LRRC20: variants seen among roughly 807,000 people sequenced by gnomAD.
LRRC20 encodes leucine rich repeat containing 20, also known as leucine-rich repeat-containing protein 20.
A neutral mutation model predicts 14.4 loss-of-function variants in LRRC20; 11 were observed. The observed-to-expected ratio is 0.77, with a 90% CI of 0.48 to 1.27. LRRC20 has a LOEUF of 1.27. Among genes scored for constraint, LRRC20 ranks in the 50% most tolerant of loss-of-function variants. The pLI, the probability that LRRC20 is intolerant of heterozygous loss-of-function variation, is 0.00. For synonymous variants in LRRC20, 121 were observed against 107.3 expected (o/e 1.13, Z -0.79); for missense variants, 219 against 251.2 (o/e 0.87, Z 0.87).
chr10:70,301,635 G>A lies in LRRC20; in HGVS notation c.401-127C>T, dbSNP rs973963571. 12 of 1,162,804 alleles carry A rather than the reference G, an allele frequency of 1.0e-5. No homozygotes were observed. The African/African-American group carries it at 1.2e-4, about 12-fold the overall frequency. 72.0% of individuals were successfully genotyped at this position (1,162,804 alleles called of 1,614,324 possible). On this transcript the variant is annotated intron_variant, in intron 4 of 4. Transcript: ENST00000446961. ...AGCTCTCCATTGCCCACTGCACGTGGGCTCAGCTCCTGGTGCCCAGCCCTG... is the reference window on the plus strand; with the variant it reads ...AGCTCTCCATTGCCCACTGCACGTGAGCTCAGCTCCTGGTGCCCAGCCCTG...
chr10:70,343,008 T>C (rs1031904745), intron 2 of LRRC20, among the ~76,000 whole-genome samples: 2 of 152,186 alleles, frequency 1.3e-5, no homozygotes, highest in Admixed American at 1.3e-4. Context: ...AAAATATGGT[T>C]TTAAAAGATT....
Position 70,337,216 on chromosome 10 carries a change from G to C in LRRC20, c.232+3337C>G, listed in dbSNP as rs193042451. Reference sequence around the variant, plus strand: ...CAGAGGAGGACAGAGCAGGCCTGCTGAGCTCAGCCAGGCCTATTTAAGCCT... The same window carrying C: ...CAGAGGAGGACAGAGCAGGCCTGCTCAGCTCAGCCAGGCCTATTTAAGCCT... On this transcript the variant is annotated intron_variant, in intron 3 of 4. Coordinates refer to ENST00000446961, the MANE Select transcript of LRRC20 (RefSeq NM_001278212.2). 1.4e-4 allele frequency among the ~76,000 whole-genome samples: 22 copies of C among 152,282 alleles called. 1 individual carries two copies. The highest frequency in any genetic ancestry group is 5.2e-4 in the Admixed American group (8 of 15,302).
intron 4 of LRRC20, among the ~76,000 whole-genome samples, chr10:70,313,431 C>T (rs1052077559): frequency 6.6e-6 from 1 of 152,098 alleles, no homozygotes; most frequent in Non-Finnish European, 1.5e-5. Flanking sequence ...CTCAGAAGTT[C>T]TGGCCTAGCT....
At chr10:70,320,174 C>A (rs963993107) in intron 4 of LRRC20, among the ~76,000 whole-genome samples, 1 of 152,070 alleles carries the variant, frequency 6.6e-6, no homozygotes. Context: ...CTAGGGAGGA[C>A]GGGTGACTGA....
chr10:70,374,322 A>AGCT (rs1241143530), intron 2 of LRRC20, among the ~76,000 whole-genome samples: 1 of 148,434 alleles, frequency 6.7e-6, no homozygotes, highest in African/African-American at 2.5e-5. Context: ...AATGAAGTGG[A>AGCT]GCTGCTGTGT....
At chr10:70,347,931 C>T (rs148240102) in intron 2 of LRRC20, among the ~76,000 whole-genome samples, 168 of 152,190 alleles carry the variant, frequency 1.1e-3, no homozygotes, top group African/African-American at 3.6e-3. Context: ...TAGAGGATGC[C>T]GAGGGCCTGG....
chr10:70,353,906 T>C (rs1335218165), intron 2 of LRRC20, among the ~76,000 whole-genome samples: 4 of 152,162 alleles, frequency 2.6e-5, no homozygotes, highest in African/African-American at 9.7e-5. Flanking sequence ...CTGGGAACAC[T>C]AGTATATTGC....
intron 4 of LRRC20, among the ~76,000 whole-genome samples, chr10:70,311,927 G>A (rs1841682459): frequency 6.6e-6 from 1 of 152,170 alleles, no homozygotes; most frequent in Non-Finnish European, 1.5e-5. Context: ...AGGTCAGCTT[G>A]CCCCCGTCTC....
intron 4 of LRRC20, among the ~76,000 whole-genome samples, chr10:70,313,807 C>T (rs942552158): frequency 3.9e-5 from 6 of 152,126 alleles, no homozygotes; most frequent in Non-Finnish European, 5.9e-5. Context: ...AACTGTAAAA[C>T]GTATGATTGG....
Position 70,301,367 on chromosome 10 carries a change from G to C in LRRC20, c.542C>G (p.Ala181Gly). The C allele has an allele frequency of 1.2e-6, 2 of 1,612,892 alleles. No homozygotes were observed. The highest frequency in any genetic ancestry group is 1.7e-6 in the Non-Finnish European group (2 of 1,179,820). The change falls in exon 5 of 5, where the codon GCC becomes GGC. Residue 181 changes from alanine (A) to glycine (G), a missense_variant. Coordinates refer to ENST00000446961, the MANE Select transcript of LRRC20 (RefSeq NM_001278212.2). ...GAGGAGGGTGGCCTAAGGTAGGGGGGCTCTTGCGCCTTCCGGAGACATGAG... is the reference window on the plus strand; with the variant it reads ...GAGGAGGGTGGCCTAAGGTAGGGGGCCTCTTGCGCCTTCCGGAGACATGAG... ...DMLMSPEGAR[A>G]PLP
At chr10:70,374,656 T>G (rs978725104) in intron 2 of LRRC20, among the ~76,000 whole-genome samples, 1 of 152,086 alleles carries the variant, frequency 6.6e-6, no homozygotes, top group African/African-American at 2.4e-5. Flanking sequence ...CTGTGACATT[T>G]TGAAGCAGGG....
At chr10:70,354,757 A>T (rs962232068) in intron 2 of LRRC20, among the ~76,000 whole-genome samples, 8 of 152,158 alleles carry the variant, frequency 5.3e-5, no homozygotes, top group African/African-American at 1.7e-4. Flanking sequence ...CTCTGAGCAG[A>T]CTATTTCAGG....
intron 4 of LRRC20, among the ~76,000 whole-genome samples, chr10:70,308,065 C>G (rs1455120738): frequency 6.6e-6 from 1 of 152,202 alleles, no homozygotes; most frequent in Admixed American, 6.5e-5. Context: ...TAGAAAGGAA[C>G]AAGGGTTGAG....
At chr10:70,308,375 A>G (rs1296578865) in intron 4 of LRRC20, among the ~76,000 whole-genome samples, 1 of 151,928 alleles carries the variant, frequency 6.6e-6, no homozygotes, top group African/African-American at 2.4e-5. Flanking sequence ...TTGACCACAG[A>G]GAAGCGCTAT....
intron 4 of LRRC20, among the ~76,000 whole-genome samples, chr10:70,320,600 C>T (rs1423552213): frequency 6.6e-6 from 1 of 152,122 alleles, no homozygotes; most frequent in African/African-American, 2.4e-5. Flanking sequence ...ATGCTCCCAC[C>T]CAGCTGAGTA....
intron 1 of LRRC20, among the ~76,000 whole-genome samples, chr10:70,377,372 AC>A (rs1844547900): frequency 6.6e-6 from 1 of 152,182 alleles, no homozygotes; most frequent in African/African-American, 2.4e-5. Context: ...AGGTGTTAAG[AC>A]ATAAGGACTT....
intron 2 of LRRC20, among the ~76,000 whole-genome samples, chr10:70,348,961 G>A (rs914762996): frequency 2.0e-5 from 3 of 152,232 alleles, no homozygotes; most frequent in Admixed American, 6.5e-5. Context: ...AGGAACAGAC[G>A]GCACTGCTGC....
At chr10:70,377,907 G>A (rs1275691654) in intron 1 of LRRC20, among the ~76,000 whole-genome samples, 2 of 152,208 alleles carry the variant, frequency 1.3e-5, no homozygotes, top group African/African-American at 4.8e-5. Flanking sequence ...CACTGATTTT[G>A]GAGACAGGTC....
chr10:70,359,406 TA>T (rs1843639516), intron 2 of LRRC20, among the ~76,000 whole-genome samples: 1 of 152,132 alleles, frequency 6.6e-6, no homozygotes, highest in South Asian at 2.1e-4. Context: ...AAAATAAAGT[TA>T]ACTGGGTGTG....
Sources: allele counts gnomAD v4.1 joint callset (sites outside exome capture counted in the v4.1 genomes callset), GRCh38; gene constraint gnomAD v4.1.1; transcripts MANE v1.5; gene names NCBI Gene and HGNC (gene_info 2026-07-23, HGNC 2026-07-21).